IL16: variants seen among roughly 807,000 people sequenced by gnomAD.
IL16 encodes the protein pro-interleukin-16.
IL16 carries 67 observed loss-of-function variants against 110.1 expected under a neutral mutation model. The ratio of observed to expected loss-of-function variants is 0.61; its 90% CI spans 0.50 to 0.75. The LOEUF (loss-of-function observed/expected upper bound fraction) is 0.75. Ranked by LOEUF, IL16 falls within the 30% of genes least tolerant of loss-of-function variation. The pLI is 0.00. For missense variants in IL16, 1,545 were observed against 1,655.0 expected (o/e 0.93, Z 1.15); for synonymous variants, 689 against 662.9 (o/e 1.04, Z -0.61).
At chr15:81,233,714 C>G (rs1897091550) in intron 2 of IL16, among the ~76,000 whole-genome samples, 1 of 151,864 alleles carries the variant, frequency 6.6e-6, no homozygotes. Context: ...CTATATTTGT[C>G]TATTAGGTCA....
chr15:81,277,385 C>T (rs1305070881), intron 6 of IL16, among the ~76,000 whole-genome samples: 1 of 152,042 alleles, frequency 6.6e-6, no homozygotes, highest in Non-Finnish European at 1.5e-5. Flanking sequence ...TTTCCTTTCT[C>T]TCTAGTGCAT....
At position 81,292,981 on chromosome 15, in the gene IL16, G is replaced by A; in HGVS notation, c.1846G>A (p.Glu616Lys). ...TGACAGTGACCCTCAGAAGAGTCTG[G>A]AAGAGAGAGAGAACTCCTCATGCTC... ...KSDSDPQKSL[E>K]ERENSSCSSG... The change falls in exon 12 of 19, where the codon GAA becomes AAA. Residue 616 changes from glutamate (E) to lysine (K), a missense_variant. Transcript: ENST00000683961. 6.2e-7 allele frequency: 1 copy of A among 1,613,528 alleles called. No individual in the cohort carries two copies. Among genetic ancestry groups the A allele is most frequent in the Non-Finnish European group, 8.5e-7 (1 of 1,180,014 alleles).
At position 81,313,237 on chromosome 15, in the gene IL16, C is replaced by G; in HGVS notation, c.*4439C>G. 1 of 1,527,482 alleles carries G rather than the reference C, an allele frequency of 6.5e-7. No homozygotes were observed. The highest frequency in any genetic ancestry group is 2.5e-5 in the East Asian group (1 of 39,570). The allele number at this position is 1,527,482 out of a possible 1,614,324, so 94.6% of individuals were successfully genotyped here. A position where few individuals can be genotyped will look rare whatever the true frequency, so the allele number is the denominator to read the frequency against. On this transcript the variant is annotated 3_prime_UTR_variant, in exon 19 of 19. Transcript: ENST00000683961. Reference sequence around the variant, plus strand: ...CTCGATGAGTCACGGGAGTTCTTTGCCAAGAAGTAACGATAGCATTACTCA... The same window carrying G: ...CTCGATGAGTCACGGGAGTTCTTTGGCAAGAAGTAACGATAGCATTACTCA...
At chr15:81,200,346 T>C (rs1363451065) in intron 1 of IL16, among the ~76,000 whole-genome samples, 2 of 151,820 alleles carry the variant, frequency 1.3e-5, no homozygotes, top group African/African-American at 4.8e-5. Flanking sequence ...ATTTTTAAAA[T>C]TCTTTAAAAA....
In IL16 at chr15:81,297,064, G is replaced by T; in HGVS notation, c.2039G>T (p.Arg680Ile). ...TCCACAGAGGGCGAGCCAGGGTGGA[G>T]AAGAGCCAGCCCAGGTAAGCTTTCA... ...KSSTEGEPGW[R>I]RASPVTQTSP... The change falls in exon 13 of 19, where the codon AGA becomes ATA. Residue 680 changes from arginine (R) to isoleucine (I), a missense_variant. Physicochemically the swap from Arg to Ile is moderately conservative, Grantham distance 97. This residue lies in a region of IL16 where 1,185 missense variants were observed against 1,238.8 expected (regional missense o/e 0.96). Transcript: ENST00000683961. 6.2e-7 allele frequency: 1 copy of T among 1,611,920 alleles called. No individual in the cohort carries two copies. Among genetic ancestry groups the T allele is most frequent in the Admixed American group, 1.7e-5 (1 of 59,382 alleles).
intron 3 of IL16, among the ~76,000 whole-genome samples, chr15:81,260,133 G>A (rs907736403): frequency 4.6e-5 from 7 of 152,192 alleles, no homozygotes; most frequent in Non-Finnish European, 1.0e-4. Flanking sequence ...TACTCCTGCT[G>A]TGTCTCCTAA....
Position 81,308,954 on chromosome 15 carries a change from G to A in IL16, c.*156G>A, listed in dbSNP as rs1900713686. 5 of 565,024 alleles carry A rather than the reference G, an allele frequency of 8.8e-6. No homozygotes were observed. Among genetic ancestry groups the A allele is most frequent in the Admixed American group, 3.7e-5 (1 of 27,138 alleles). 35.0% of individuals were successfully genotyped at this position (565,024 alleles called of 1,614,324 possible). A position where few individuals can be genotyped will look rare whatever the true frequency, so the allele number is the denominator to read the frequency against. ...TGCCCAGGCCCAGACCTTCTAGGAC[G>A]CCACCCAGCAAAAGGTTGTTCCTAA... is the stretch of plus-strand genomic sequence containing the variant. On this transcript the variant is annotated 3_prime_UTR_variant, in exon 19 of 19. Coordinates refer to ENST00000683961, the MANE Select transcript of IL16 (RefSeq NM_172217.5).
At position 81,310,561 on chromosome 15, in the gene IL16, T is replaced by C. The variant is rs149439589; in HGVS notation, c.*1763T>C. On this transcript the variant is annotated 3_prime_UTR_variant, in exon 19 of 19. Transcript: ENST00000683961. ...TTAATAGAAACATTGAAGATGAACA[T>C]AATCTACCAACGAAAGACGTGATTC... 1 of 152,302 alleles carries C rather than the reference T, an allele frequency of 6.6e-6. No individual in the cohort carries two copies. The allele number at this position is 152,302 out of a possible 1,614,324, so 9.4% of individuals were successfully genotyped here. A position where few individuals can be genotyped will look rare whatever the true frequency, so the allele number is the denominator to read the frequency against.
chr15:81,206,732 G>C (rs974965992), intron 1 of IL16, among the ~76,000 whole-genome samples: 1 of 152,150 alleles, frequency 6.6e-6, no homozygotes, highest in East Asian at 1.9e-4. Flanking sequence ...AAAATCTCCT[G>C]AAGAACTGAG....
chr15:81,207,274 A>C lies in IL16; in HGVS notation c.-102+10122A>C, dbSNP rs1020289446. 2.0e-5 allele frequency among the ~76,000 whole-genome samples: 3 copies of C among 151,990 alleles called. No homozygotes were observed. The Middle Eastern group carries it at 0.01, about 517-fold the overall frequency. ...AAAAAAAAAAAAACAAAAAAAAGAA[A>C]AGAAAAAAGAAATTTACATCCAATA... On this transcript the variant is annotated intron_variant, in intron 1 of 18. Coordinates refer to ENST00000683961, the MANE Select transcript of IL16 (RefSeq NM_172217.5).
At chr15:81,204,661 A>G (rs1018267898) in intron 1 of IL16, among the ~76,000 whole-genome samples, 3 of 152,148 alleles carry the variant, frequency 2.0e-5, no homozygotes, top group African/African-American at 7.2e-5. Context: ...TGGGTGCAGC[A>G]CATCAACATG....
chr15:81,265,554 A>G, intron 3 of IL16, 105 bp from the exon 4 acceptor site: 1 of 1,284,922 alleles, frequency 7.8e-7, no homozygotes, highest in African/African-American at 1.5e-5. Flanking sequence ...AGTGGTTTAC[A>G]GTCACACTGG....
chr15:81,185,145 C>T (rs373304905), intron 1 of IL16, among the ~76,000 whole-genome samples: 7 of 152,000 alleles, frequency 4.6e-5, no homozygotes, highest in East Asian at 3.9e-4. Flanking sequence ...CACCATCCCC[C>T]CAACGTCTCT....
chr15:81,265,909 C>T lies in IL16; in HGVS notation c.564+108C>T, dbSNP rs1003333872. 8.0e-6 allele frequency: 8 copies of T among 1,001,256 alleles called. No individual in the cohort carries two copies. In the African/African-American group the frequency reaches 1.3e-4, roughly 16 times the overall value. The allele number at this position is 1,001,256 out of a possible 1,614,324, so 62.0% of individuals were successfully genotyped here. On this transcript the variant is annotated intron_variant, in intron 4 of 18. Transcript: ENST00000683961. ...GCCTTCCCAGTAGTTTTTTTGTCCG[C>T]AGAACTACAGAGGAGAGGGTCTCGC...
At chr15:81,254,412 T>A (rs563142332) in intron 2 of IL16, among the ~76,000 whole-genome samples, 1 of 152,198 alleles carries the variant, frequency 6.6e-6, no homozygotes, top group South Asian at 2.1e-4. Flanking sequence ...TTGTTTTTGT[T>A]TTTTTCCCCA....
intron 3 of IL16, 75 bp downstream of exon 3, chr15:81,259,955 C>T (rs940136552): frequency 7.3e-5 from 68 of 927,454 alleles, no homozygotes; most frequent in Non-Finnish European, 1.1e-4. Flanking sequence ...GGGAGGATAG[C>T]GGCTCTCTTC....
At chr15:81,217,878 T>A (rs897320347) in intron 1 of IL16, among the ~76,000 whole-genome samples, 2 of 152,174 alleles carry the variant, frequency 1.3e-5, no homozygotes, top group Non-Finnish European at 2.9e-5. Flanking sequence ...ATGTATTTCC[T>A]TAATATGATA....
chr15:81,306,112 T>G lies in IL16; in HGVS notation c.3625T>G (p.Ser1209Ala). 6.2e-7 allele frequency: 1 copy of G among 1,614,066 alleles called. No individual in the cohort carries two copies. The highest frequency in any genetic ancestry group is 1.1e-5 in the South Asian group (1 of 91,088). ...TPEAMPDLNS[S>A]TDSAASASAA... ...AGAGGCCATGCCCGACCTCAACTCC[T>G]CCACTGACTCTGCAGCCTCAGCCTC... Residue 1209 changes from serine (S) to alanine (A), a missense_variant, in exon 17 of 19, where the codon TCC becomes GCC. Ser to Ala is a moderately conservative substitution (Grantham distance 99, BLOSUM62 1). This residue lies in a region of IL16 where 356 missense variants were observed against 399.3 expected (regional missense o/e 0.89). Coordinates refer to ENST00000683961, the MANE Select transcript of IL16 (RefSeq NM_172217.5).
In IL16 at chr15:81,301,483, G is replaced by A. The variant is rs1041331697; in HGVS notation, c.3289G>A (p.Val1097Met). ...SEELKKLIEE[V>M]KVLDEATLKQ... ...AGAATTAAAAAAACTCATCGAGGAG[G>A]TGAAGGTTCTGGATGAAGCAACATT... The change falls in exon 15 of 19, where the codon GTG (valine) becomes ATG (methionine). Residue 1097 changes from valine to methionine, a missense_variant. Transcript: ENST00000683961. The A allele has an allele frequency of 4.3e-6, 7 of 1,613,962 alleles. No homozygotes were observed. In the Middle Eastern group the frequency reaches 4.9e-4, roughly 114 times the overall value.
Sources: allele counts gnomAD v4.1 joint callset (sites outside exome capture counted in the v4.1 genomes callset), GRCh38; gene constraint gnomAD v4.1.1; regional missense constraint gnomAD v4.1.1; transcripts MANE v1.5; gene names NCBI Gene and HGNC (gene_info 2026-07-23, HGNC 2026-07-21).